Variants in AUTS2 observed in about 807,000 individuals in gnomAD.
The protein encoded by AUTS2 is activator of transcription and developmental regulator AUTS2.
AUTS2 carries 17 observed loss-of-function variants against 112.4 expected under a neutral mutation model. That is an observed-to-expected ratio of 0.15 (90% CI 0.10 to 0.23). The LOEUF is 0.23. Among genes scored for constraint, AUTS2 ranks in the 10% least tolerant of loss-of-function variants. AUTS2 has a pLI of 1.00. For synonymous variants in AUTS2, 751 were observed against 702.7 expected (o/e 1.07, Z -1.09); for missense variants, 1,510 against 1,701.6 (o/e 0.89, Z 1.98).
intron 4 of AUTS2, among the ~76,000 whole-genome samples, chr7:70,402,002 A>G (rs537148469): frequency 2.0e-5 from 3 of 152,194 alleles, no homozygotes; most frequent in Non-Finnish European, 4.4e-5. Flanking sequence ...CCTTCTATAC[A>G]CATTTTTGGC....
At chr7:70,756,857 T>C (rs1789243733) in intron 6 of AUTS2, among the ~76,000 whole-genome samples, 1 of 152,262 alleles carries the variant, frequency 6.6e-6, no homozygotes, top group African/African-American at 2.4e-5. Context: ...AGAATTACTT[T>C]GTGTTTATAT....
intron 1 of AUTS2, among the ~76,000 whole-genome samples, chr7:69,852,312 A>G (rs1236026370): frequency 2.0e-5 from 3 of 151,990 alleles, no homozygotes; most frequent in Non-Finnish European, 4.4e-5. Context: ...AATTTTGTTT[A>G]CTAATATTTT....
At chr7:70,534,392 A>G (rs1363968748) in intron 5 of AUTS2, among the ~76,000 whole-genome samples, 1 of 139,728 alleles carries the variant, frequency 7.2e-6, no homozygotes, top group African/African-American at 2.7e-5. Flanking sequence ...TATTGGGAAT[A>G]TGAATTTGTT....
At chr7:70,719,170 A>C (rs1810533477) in intron 6 of AUTS2, among the ~76,000 whole-genome samples, 1 of 152,196 alleles carries the variant, frequency 6.6e-6, no homozygotes, top group South Asian at 2.1e-4. Context: ...AAGTTGCTCA[A>C]GGTTACACAC....
chr7:70,177,527 A>T (rs571680427), intron 4 of AUTS2, among the ~76,000 whole-genome samples: 1 of 152,282 alleles, frequency 6.6e-6, no homozygotes, highest in South Asian at 2.1e-4. Flanking sequence ...TCATTTTGAA[A>T]CATTTCTACT....
At chr7:70,010,790 A>G (rs1438241965) in intron 2 of AUTS2, among the ~76,000 whole-genome samples, 1 of 152,214 alleles carries the variant, frequency 6.6e-6, no homozygotes, top group East Asian at 1.9e-4. Context: ...ATTCTCCAGT[A>G]TCACCAAACA....
At chr7:69,939,968 A>G (rs1365762425) in intron 2 of AUTS2, among the ~76,000 whole-genome samples, 1 of 152,230 alleles carries the variant, frequency 6.6e-6, no homozygotes, top group African/African-American at 2.4e-5. Flanking sequence ...CAACAGTAGT[A>G]ATCATACCAC....
intron 1 of AUTS2, among the ~76,000 whole-genome samples, chr7:69,709,626 T>G (rs1251699300): frequency 2.0e-5 from 3 of 152,210 alleles, no homozygotes; most frequent in Admixed American, 2.0e-4. Flanking sequence ...GAGTGCACAC[T>G]TGTGCAGATA....
At chr7:70,161,659 T>C (rs1808082832) in intron 4 of AUTS2, among the ~76,000 whole-genome samples, 1 of 151,436 alleles carries the variant, frequency 6.6e-6, no homozygotes, top group African/African-American at 2.4e-5. Context: ...GGTCTTATCA[T>C]TGGCATATTT....
chr7:70,278,820 A>G (rs1244948814), intron 4 of AUTS2, among the ~76,000 whole-genome samples: 2 of 152,058 alleles, frequency 1.3e-5, no homozygotes, highest in African/African-American at 4.8e-5. Context: ...TTCTTTTAGG[A>G]TTTTATGGAG....
At chr7:69,816,354 A>G (rs1489413341) in intron 1 of AUTS2, among the ~76,000 whole-genome samples, 1 of 152,212 alleles carries the variant, frequency 6.6e-6, no homozygotes, top group Non-Finnish European at 1.5e-5. Flanking sequence ...ACTTTCTTTT[A>G]TGTGTTAAAC....
At chr7:70,218,754 CA>C (rs1811307084) in intron 4 of AUTS2, among the ~76,000 whole-genome samples, 1 of 152,106 alleles carries the variant, frequency 6.6e-6, no homozygotes, top group Admixed American at 6.5e-5. Context: ...TAGATGGGGC[CA>C]GGGGGTTGCT....
intron 1 of AUTS2, among the ~76,000 whole-genome samples, chr7:69,769,189 A>G (rs1327615915): frequency 6.6e-6 from 1 of 152,262 alleles, no homozygotes; most frequent in Non-Finnish European, 1.5e-5. Flanking sequence ...ATAGCTGGAT[A>G]AACCAATGTT....
intron 2 of AUTS2, among the ~76,000 whole-genome samples, chr7:69,912,858 G>A (rs1046956562): frequency 1.3e-5 from 2 of 152,108 alleles, no homozygotes; most frequent in Admixed American, 1.3e-4. Context: ...CTTTTACTGT[G>A]CTGGTTCTTT....
At chr7:70,628,732 C>T (rs1399315055) in intron 5 of AUTS2, among the ~76,000 whole-genome samples, 2 of 152,062 alleles carry the variant, frequency 1.3e-5, no homozygotes, top group Non-Finnish European at 2.9e-5. Flanking sequence ...CTGTTACATT[C>T]AAAGGAGATG....
chr7:70,531,070 T>G (rs1800064487), intron 5 of AUTS2, among the ~76,000 whole-genome samples: 1 of 64,446 alleles, frequency 1.6e-5, no homozygotes, highest in Admixed American at 1.3e-4. Context: ...ACTAAAAGTA[T>G]TTGTGATACA....
At chr7:69,960,821 G>A (rs1797399911) in intron 2 of AUTS2, among the ~76,000 whole-genome samples, 1 of 152,110 alleles carries the variant, frequency 6.6e-6, no homozygotes, top group Admixed American at 6.6e-5. Context: ...CTTTTCATCA[G>A]AAGTTGTTCT....
chr7:70,281,447 G>A (rs1440458514), intron 4 of AUTS2, among the ~76,000 whole-genome samples: 1 of 152,246 alleles, frequency 6.6e-6, no homozygotes, highest in Non-Finnish European at 1.5e-5. Context: ...GTGAAGAGAA[G>A]AAGAGACAGC....
chr7:70,507,911 C>T (rs1418193060), intron 5 of AUTS2, among the ~76,000 whole-genome samples: 3 of 152,184 alleles, frequency 2.0e-5, no homozygotes, highest in African/African-American at 7.2e-5. Flanking sequence ...CTCATATGGG[C>T]AATGCATGTG....
Sources: allele counts gnomAD v4.1 joint callset (sites outside exome capture counted in the v4.1 genomes callset), GRCh38; gene constraint gnomAD v4.1.1; transcripts MANE v1.5; gene names NCBI Gene and HGNC (gene_info 2026-07-23, HGNC 2026-07-21).